RAB40C: variants seen among roughly 807,000 people sequenced by gnomAD.
RAB40C encodes the protein RAB40C, member RAS oncogene family.
In RAB40C, 8 loss-of-function variants were observed where a neutral mutation model predicts 28.1. The ratio of observed to expected loss-of-function variants is 0.28; its 90% CI spans 0.17 to 0.51. The LOEUF (loss-of-function observed/expected upper bound fraction) is 0.51. Among genes scored for constraint, RAB40C ranks in the 20% least tolerant of loss-of-function variants. RAB40C has a pLI of 0.97. For missense variants in RAB40C, 288 were observed against 405.9 expected, an observed-to-expected ratio of 0.71 and a Z score of 2.50; for synonymous variants, 201 against 171.7, an observed-to-expected ratio of 1.17 and a Z score of -1.34.
intron 1 of RAB40C, among the ~76,000 whole-genome samples, chr16:603,608 T>A (rs971564419): frequency 5.3e-5 from 8 of 152,198 alleles, no homozygotes; most frequent in Admixed American, 2.0e-4. Flanking sequence ...TTAATTTTTT[T>A]AAATCAATTT....
In RAB40C at chr16:617,407, T is replaced by A. The variant is rs1048538556; in HGVS notation, c.203+139T>A. 4 of 1,003,190 alleles carry A rather than the reference T, an allele frequency of 4.0e-6. No homozygotes were observed. In the Admixed American group the frequency reaches 8.1e-5, roughly 20 times the overall value. The allele number at this position is 1,003,190 out of a possible 1,614,324, so 62.1% of individuals were successfully genotyped here. On this transcript the variant is annotated intron_variant, in intron 2 of 5. Coordinates refer to ENST00000248139, the MANE Select transcript of RAB40C (RefSeq NM_021168.5). Reference sequence around the variant, plus strand: ...CACTTACACAGCCCCTGTTTAAACATAGAATGGATTTTACTCCAACAGGAA... The same window carrying A: ...CACTTACACAGCCCCTGTTTAAACAAAGAATGGATTTTACTCCAACAGGAA...
intron 3 of RAB40C, among the ~76,000 whole-genome samples, chr16:621,343 C>G (rs372706262): frequency 6.6e-6 from 1 of 152,244 alleles, no homozygotes; most frequent in Non-Finnish European, 1.5e-5. Flanking sequence ...TTTCTCCCGC[C>G]GCCCCTGATG....
chr16:601,651 GA>G (rs2036250300), intron 1 of RAB40C, among the ~76,000 whole-genome samples: 1 of 151,938 alleles, frequency 6.6e-6, no homozygotes, highest in Admixed American at 6.6e-5. Context: ...ACATGAGAGG[GA>G]ATGCTTATAA....
chr16:621,196 C>T (rs1021608423), intron 3 of RAB40C, among the ~76,000 whole-genome samples: 2 of 152,198 alleles, frequency 1.3e-5, no homozygotes, highest in Non-Finnish European at 2.9e-5. Context: ...AGTCTCCAGG[C>T]GGGCCTCTGA....
chr16:618,333 T>C, intron 3 of RAB40C, 73 bp downstream of exon 3: 1 of 1,431,490 alleles, frequency 7.0e-7, no homozygotes, highest in South Asian at 1.3e-5. Flanking sequence ...TGTGAGTTGT[T>C]GTCCTGTCAA....
chr16:625,675 G>A (rs953130856), intron 4 of RAB40C, 166 bp downstream of exon 4: 10 of 883,914 alleles, frequency 1.1e-5, no homozygotes, highest in South Asian at 8.0e-5. Flanking sequence ...CTGTGCACAC[G>A]ACAGTCGGGC....
At chr16:622,697 G>T (rs2036745283) in intron 3 of RAB40C, among the ~76,000 whole-genome samples, 1 of 152,170 alleles carries the variant, frequency 6.6e-6, no homozygotes, top group Admixed American at 6.5e-5. Flanking sequence ...GTAGAGACGG[G>T]GTTTCACCAT....
At chr16:592,448 A>T (rs2036020878) in intron 1 of RAB40C, among the ~76,000 whole-genome samples, 1 of 152,162 alleles carries the variant, frequency 6.6e-6, no homozygotes, top group African/African-American at 2.4e-5. Context: ...AGGGCCAGGG[A>T]GGAAGAGCTC....
In RAB40C at chr16:590,449, C is replaced by G; in HGVS notation, c.142+16C>G. ...TACAGTAACGGTAAGGCCCGGCCCGCGGCGCGCGCTGCTACGCGGGGCCCG... is the reference window on the plus strand; with the variant it reads ...TACAGTAACGGTAAGGCCCGGCCCGGGGCGCGCGCTGCTACGCGGGGCCCG... On this transcript the variant is annotated intron_variant, in intron 1 of 5. Coordinates refer to ENST00000248139, the MANE Select transcript of RAB40C (RefSeq NM_021168.5). The G allele has an allele frequency of 6.4e-7, 1 of 1,560,100 alleles. No individual in the cohort carries two copies. Among genetic ancestry groups the G allele is most frequent in the Non-Finnish European group, 8.6e-7 (1 of 1,156,782 alleles).
chr16:609,543 A>G (rs8063979), intron 1 of RAB40C, among the ~76,000 whole-genome samples: 26,806 of 151,842 alleles, frequency 0.18, 2,577 homozygotes, highest in South Asian at 0.25. Context: ...TCTGTCCTTG[A>G]GGGTCACCAG....
At chr16:622,533 C>T (rs1039994449) in intron 3 of RAB40C, among the ~76,000 whole-genome samples, 1 of 152,332 alleles carries the variant, frequency 6.6e-6, no homozygotes, top group East Asian at 1.9e-4. Context: ...TTTTGAGACA[C>T]GGTCTGGCTC....
In RAB40C at chr16:629,001, A is replaced by T. The variant is rs2036901416; in HGVS notation, c.*1379A>T. ...GGCCGTGGCCTGCATGAACTACCAG[A>T]TGAGTAAGGGAACCCCAGGCAGGCG... On this transcript the variant is annotated 3_prime_UTR_variant, in exon 6 of 6. Transcript: ENST00000248139. 6.4e-6 allele frequency: 1 copy of T among 155,234 alleles called. No individual in the cohort carries two copies. The highest frequency in any genetic ancestry group is 1.4e-5 in the Non-Finnish European group (1 of 69,836). The allele number at this position is 155,234 out of a possible 1,614,324, so 9.6% of individuals were successfully genotyped here.
Position 625,920 on chromosome 16 carries a change from A to G in RAB40C, c.364A>G (p.Ile122Val). The G allele has an allele frequency of 6.2e-7, 1 of 1,612,978 alleles. No individual in the cohort carries two copies. Among genetic ancestry groups the G allele is most frequent in the Non-Finnish European group, 8.5e-7 (1 of 1,179,828 alleles). ...IDEHAPGVPR[I>V]LVGNRLHLAF... ...CCAGCATGCACCCGGAGTCCCCCGGATCTTGGTTGGAAACCGGCTGCACCT... is the reference window on the plus strand; with the variant it reads ...CCAGCATGCACCCGGAGTCCCCCGGGTCTTGGTTGGAAACCGGCTGCACCT... The change falls in exon 5 of 6, where the codon ATC becomes GTC. Residue 122 changes from isoleucine (I) to valine (V), a missense_variant. Around this residue, in one of 3 missense-constraint regions of RAB40C, gnomAD observed 153 missense variants for 262.4 expected, o/e 0.58. Transcript: ENST00000248139.
chr16:599,470 G>T (rs182160246), intron 1 of RAB40C, among the ~76,000 whole-genome samples: 44 of 152,384 alleles, frequency 2.9e-4, no homozygotes, highest in African/African-American at 1.0e-3. Context: ...GGGCCACGCC[G>T]TGCCTCCTCC....
chr16:608,530 C>T (rs2036414004), intron 1 of RAB40C, among the ~76,000 whole-genome samples: 1 of 152,206 alleles, frequency 6.6e-6, no homozygotes, highest in Admixed American at 6.5e-5. Context: ...CAGACCCAGG[C>T]CCCTTCTAGA....
intron 2 of RAB40C, among the ~76,000 whole-genome samples, chr16:617,485 C>T (rs147310413): frequency 1.6e-4 from 24 of 152,338 alleles, no homozygotes; most frequent in African/African-American, 2.4e-4. Context: ...CCTCCTGCCC[C>T]GGAAAACCTG....
intron 1 of RAB40C, among the ~76,000 whole-genome samples, chr16:604,974 C>G (rs914456963): frequency 6.6e-6 from 1 of 152,092 alleles, no homozygotes; most frequent in Non-Finnish European, 1.5e-5. Flanking sequence ...AGGACAATCA[C>G]TTGAACCCGG....
At position 624,789 on chromosome 16, in the gene RAB40C, T is replaced by G. The variant is rs556089326; in HGVS notation, c.265-643T>G. ...GTCACCGTTTCGCCCGACAGGGCTC[T>G]GAGTGTGAGCAGTGTGCTCCCCTGT... is the stretch of plus-strand genomic sequence containing the variant. On this transcript the variant is annotated intron_variant, in intron 3 of 5. Coordinates refer to ENST00000248139, the MANE Select transcript of RAB40C (RefSeq NM_021168.5). 17 of 985,460 alleles carry G rather than the reference T, an allele frequency of 1.7e-5. No individual in the cohort carries two copies. The South Asian group carries it at 8.0e-4, about 46-fold the overall frequency. 61.0% of individuals were successfully genotyped at this position (985,460 alleles called of 1,614,324 possible).
intron 1 of RAB40C, among the ~76,000 whole-genome samples, chr16:603,834 A>G (rs1031431005): frequency 2.7e-4 from 41 of 152,162 alleles, no homozygotes; most frequent in African/African-American, 9.9e-4. Context: ...TGTTCCAGAC[A>G]TCATGGATAC....
Sources: allele counts gnomAD v4.1 joint callset (sites outside exome capture counted in the v4.1 genomes callset), GRCh38; gene constraint gnomAD v4.1.1; regional missense constraint gnomAD v4.1.1; transcripts MANE v1.5; gene names NCBI Gene and HGNC (gene_info 2026-07-23, HGNC 2026-07-21).